ZNHIT3: variants seen among roughly 807,000 people sequenced by gnomAD.
The protein encoded by ZNHIT3 is zinc finger HIT domain-containing protein 3.
A neutral mutation model predicts 19.9 loss-of-function variants in ZNHIT3; 27 were observed. The observed-to-expected ratio is 1.36, with a 90% CI of 1.00 to 1.87. ZNHIT3 has a LOEUF of 1.87. Ranked by LOEUF, ZNHIT3 falls within the 40% of genes most tolerant of loss-of-function variation. The pLI is 0.00. For synonymous variants in ZNHIT3, 81 were observed against 65.7 expected (o/e 1.23, Z -1.13); for missense variants, 215 against 185.6 (o/e 1.16, Z -0.92).
At chr17:36,492,356 C>T (rs2070746398) in intron 2 of ZNHIT3, 1 of 162,160 alleles carries the variant, frequency 6.2e-6, no homozygotes, top group Non-Finnish European at 1.3e-5. Flanking sequence ...GCTAGGTTGC[C>T]CAGGCTGGTC....
chr17:36,492,836 CCTGTTG>C lies in ZNHIT3; in HGVS notation c.143_148del (p.Pro48_Glu50delinsGln), dbSNP rs1229896944. 1.2e-6 allele frequency: 2 copies of C among 1,614,100 alleles called. No homozygotes were observed. The highest frequency in any genetic ancestry group is 1.7e-6 in the Non-Finnish European group (2 of 1,180,000). ...AGAACAGTGCAACCCTGAAACTCGT[CCTGTTG>C]AGAAAAAAATAAGATCAGCTCTTCC... On this transcript the variant is annotated inframe_deletion, in exon 3 of 5. Coordinates refer to ENST00000617429, the MANE Select transcript of ZNHIT3 (RefSeq NM_004773.4).
At chr17:36,499,242 A>G, downstream of ZNHIT3, 1 of 949,684 alleles carries the variant, frequency 1.1e-6, no homozygotes, top group Non-Finnish European at 1.6e-6. Flanking sequence ...GCAGCACCAC[A>G]GTTGCTGTCA....
chr17:36,499,070 C>T (rs754349654), downstream of ZNHIT3: 4 of 1,603,960 alleles, frequency 2.5e-6, no homozygotes, highest in Non-Finnish European at 3.4e-6. Context: ...TTGGGTCTTA[C>T]TTACTCTCCA....
At chr17:36,498,654 A>C, downstream of ZNHIT3, 2 of 1,385,210 alleles carry the variant, frequency 1.4e-6, no homozygotes, top group Non-Finnish European at 1.9e-6. Context: ...TCATCTTAAC[A>C]AGGTGAACTG....
chr17:36,495,387 C>G lies in ZNHIT3; in HGVS notation c.451C>G (p.Gln151Glu), dbSNP rs1442649599. The change falls in exon 5 of 5, where the codon CAG becomes GAG. Residue 151 changes from glutamine (Q) to glutamate (E), a missense_variant. Coordinates refer to ENST00000617429, the MANE Select transcript of ZNHIT3 (RefSeq NM_004773.4). ...CTGTTTAGGAATTGTGGAGCCATCC[C>G]AGAATGAGGAGTCTTAAGATGGATT... ...DCCLGIVEPS[Q>E]NEES is the part of the protein sequence containing the mutation. The G allele has an allele frequency of 6.2e-7, 1 of 1,607,664 alleles. No homozygotes were observed. The highest frequency in any genetic ancestry group is 8.5e-7 in the Non-Finnish European group (1 of 1,177,970).
At chr17:36,491,551 C>T (rs1332905848) in intron 2 of ZNHIT3, 1 of 152,278 alleles carries the variant, frequency 6.6e-6, no homozygotes, top group East Asian at 1.9e-4. Flanking sequence ...AAGCAGTCCT[C>T]CTGCCTCAAC....
In ZNHIT3 at chr17:36,495,706, T is replaced by C. The variant is rs762410999; in HGVS notation, c.*302T>C. ...AACGATATCAAGCTTACACTTCATA[T>C]GGAGTTAAACTTGGTCAGTGTTAAT... is the stretch of plus-strand genomic sequence containing the variant. On this transcript the variant is annotated 3_prime_UTR_variant, in exon 5 of 5. Transcript: ENST00000617429. The C allele has an allele frequency of 3.2e-6, 4 of 1,256,584 alleles. No individual in the cohort carries two copies. The highest frequency in any genetic ancestry group is 3.0e-6 in the Non-Finnish European group (3 of 1,002,646). The allele number at this position is 1,256,584 out of a possible 1,614,324, so 77.8% of individuals were successfully genotyped here.
chr17:36,492,543 TGTG>T (rs1246705483), intron 2 of ZNHIT3: 10 of 460,328 alleles, frequency 2.2e-5, no homozygotes, highest in African/African-American at 4.0e-5. Flanking sequence ...CTCAGTTAAT[TGTG>T]GTGAGAATTT....
intron 4 of ZNHIT3, 139 bp downstream of exon 4, chr17:36,494,145 A>T: frequency 1.6e-6 from 1 of 644,550 alleles, no homozygotes; most frequent in Non-Finnish European, 2.7e-6. Flanking sequence ...ATCTGTAAAC[A>T]TACAGGGTTT....
Position 36,495,210 on chromosome 17 carries a change from TGTTA to T in ZNHIT3, c.287-12_287-9del. 1 of 1,552,566 alleles carries T rather than the reference TGTTA, an allele frequency of 6.4e-7. No individual in the cohort carries two copies. The highest frequency in any genetic ancestry group is 8.7e-7 in the Non-Finnish European group (1 of 1,153,118). On this transcript the variant is annotated splice_polypyrimidine_tract_variant and intron_variant, in intron 4 of 4. Coordinates refer to ENST00000617429, the MANE Select transcript of ZNHIT3 (RefSeq NM_004773.4). ...TTGAACTCAGACTGGCTTTTTTTCT[TGTTA>T]ATTTTTAGGGGAATCTGCAACATTA... is the stretch of plus-strand genomic sequence containing the variant.
chr17:36,493,056 A>G (rs1203524968), intron 3 of ZNHIT3, 157 bp downstream of exon 3: 5 of 682,230 alleles, frequency 7.3e-6, no homozygotes, highest in Non-Finnish European at 1.3e-5. Flanking sequence ...GGGCCATGTC[A>G]TCATGGGTGA....
At chr17:36,498,874 C>T, downstream of ZNHIT3, 1 of 593,638 alleles carries the variant, frequency 1.7e-6, no homozygotes, top group East Asian at 2.8e-5. Context: ...GTTGCTTATA[C>T]CACTCTTCAC....
downstream of ZNHIT3, among the ~76,000 whole-genome samples, chr17:36,497,253 G>A (rs544125679): frequency 7.3e-5 from 11 of 150,798 alleles, no homozygotes; most frequent in African/African-American, 9.8e-5. Context: ...CAGGAGAATC[G>A]CTTAAACCCA....
chr17:36,492,742 C>A, intron 2 of ZNHIT3, 71 bp from the exon 3 acceptor site: 1 of 1,376,876 alleles, frequency 7.3e-7, no homozygotes, highest in African/African-American at 1.4e-5. Flanking sequence ...CTAGATGCTA[C>A]CTTGGTAGGG....
At chr17:36,489,918 C>T (rs2070687712) in intron 2 of ZNHIT3, 1 of 151,666 alleles carries the variant, frequency 6.6e-6, no homozygotes, top group Non-Finnish European at 1.5e-5. Context: ...CCATGCCCGG[C>T]CCATTTGTCC....
intron 4 of ZNHIT3, 55 bp downstream of exon 4, chr17:36,494,061 A>T: frequency 7.0e-7 from 1 of 1,421,514 alleles, no homozygotes; most frequent in Non-Finnish European, 9.8e-7. Context: ...TGTTGTAAGG[A>T]TTGTGATTTT....
chr17:36,498,016 G>A (rs560903611), downstream of ZNHIT3: 7 of 504,634 alleles, frequency 1.4e-5, no homozygotes, highest in Admixed American at 3.5e-5. Context: ...AATGGGACTA[G>A]AAGATTTAGA....
chr17:36,499,164 A>C (rs1397086501), downstream of ZNHIT3: 2 of 1,598,964 alleles, frequency 1.3e-6, no homozygotes, highest in South Asian at 2.3e-5. Context: ...CGAATGGCTA[A>C]GAGGTTTGCC....
chr17:36,492,798 TTG>T lies in ZNHIT3; in HGVS notation c.119-11_119-10del. The T allele has an allele frequency of 6.2e-7, 1 of 1,612,374 alleles. No individual in the cohort carries two copies. The highest frequency in any genetic ancestry group is 8.5e-7 in the Non-Finnish European group (1 of 1,179,040). ...AATGGAGGTAATGTGGGCCTGGGAT[TTG>T]TGTCTTTTTCAGAACAGTGCAACCC... On this transcript the variant is annotated splice_polypyrimidine_tract_variant and intron_variant, in intron 2 of 4. Coordinates refer to ENST00000617429, the MANE Select transcript of ZNHIT3 (RefSeq NM_004773.4).
Sources: gnomAD v4.1 joint callset for allele counts (sites outside exome capture counted in the v4.1 genomes callset) on GRCh38, gnomAD v4.1.1 for gene constraint, MANE v1.5 for transcripts, NCBI Gene and HGNC (gene_info 2026-07-23, HGNC 2026-07-21) for gene names.